Variants in TTC6 observed in about 807,000 individuals in gnomAD.
TTC6 encodes the protein tetratricopeptide repeat domain 6.
Under a neutral mutation model 210.4 loss-of-function variants are expected in TTC6, and 172 were observed. The observed-to-expected ratio is 0.82, with a 90% confidence interval of 0.72 to 0.93. The LOEUF (loss-of-function observed/expected upper bound fraction) is 0.93, where lower values mean the gene tolerates loss of function less well. Ranked by LOEUF, TTC6 falls within the 40% of genes least tolerant of loss-of-function variation. The pLI is 0.00. For missense variants in TTC6, 2,414 were observed against 2,318.1 expected (o/e 1.04, Z -0.85); for synonymous variants, 804 against 819.6 (o/e 0.98, Z 0.32).
intron 20 of TTC6, among the ~76,000 whole-genome samples, chr14:37,802,969 G>T (rs1236854575): frequency 6.6e-6 from 1 of 152,088 alleles, no homozygotes; most frequent in East Asian, 1.9e-4. Flanking sequence ...CTGACCTTAG[G>T]TGATCCACTT....
intron 1 of TTC6, among the ~76,000 whole-genome samples, chr14:37,636,786 ATTATAG>A (rs1398951619): frequency 2.6e-5 from 4 of 152,368 alleles, no homozygotes; most frequent in East Asian, 1.9e-4. Flanking sequence ...AGCAAATTTT[ATTATAG>A]TTATAGAAAA....
intron 21 of TTC6, among the ~76,000 whole-genome samples, chr14:37,805,112 A>G (rs1048152198): frequency 1.3e-5 from 2 of 152,246 alleles, no homozygotes; most frequent in African/African-American, 4.8e-5. Context: ...TTATCACAGT[A>G]GTATGAGTTC....
At chr14:37,732,998 C>T (rs1052052951) in intron 7 of TTC6, among the ~76,000 whole-genome samples, 1 of 152,118 alleles carries the variant, frequency 6.6e-6, no homozygotes, top group Non-Finnish European at 1.5e-5. Context: ...GGAAGAAAAT[C>T]TGTAAATAAG....
intron 7 of TTC6, among the ~76,000 whole-genome samples, chr14:37,726,697 A>T (rs1293550468): frequency 6.6e-6 from 1 of 152,096 alleles, no homozygotes; most frequent in African/African-American, 2.4e-5. Flanking sequence ...GGAAGAGCTC[A>T]CTGTTTGGAC....
In TTC6 at chr14:37,808,853, T is replaced by A; in HGVS notation, c.4569+7T>A. ...GATAAGGGAACTTCAAATGGTAAGATGACCATTTTAGTAAACAATGTGTTT... is the reference window on the plus strand; with the variant it reads ...GATAAGGGAACTTCAAATGGTAAGAAGACCATTTTAGTAAACAATGTGTTT... On this transcript the variant is annotated splice_region_variant and intron_variant, in intron 24 of 30. Coordinates refer to ENST00000553443, the Ensembl canonical transcript of TTC6. 1 of 1,395,558 alleles carries A rather than the reference T, an allele frequency of 7.2e-7. No individual in the cohort carries two copies. Among genetic ancestry groups the A allele is most frequent in the Non-Finnish European group, 9.9e-7 (1 of 1,008,130 alleles). The allele number at this position is 1,395,558 out of a possible 1,614,324, so 86.4% of individuals were successfully genotyped here. A position where few individuals can be genotyped will look rare whatever the true frequency, so the allele number is the denominator to read the frequency against.
At chr14:37,679,166 G>C (rs1346315212) in intron 1 of TTC6, among the ~76,000 whole-genome samples, 3 of 152,122 alleles carry the variant, frequency 2.0e-5, no homozygotes, top group African/African-American at 7.2e-5. Flanking sequence ...AGGTTACGGG[G>C]AGCTATGATT....
intron 29 of TTC6, among the ~76,000 whole-genome samples, chr14:37,832,224 A>G (rs1427052444): frequency 6.6e-6 from 1 of 151,080 alleles, no homozygotes; most frequent in Admixed American, 6.6e-5. Flanking sequence ...TCTAGCTATC[A>G]GTTTTGTTTA....
intron 6 of TTC6, among the ~76,000 whole-genome samples, chr14:37,721,913 T>G (rs888060074): frequency 2.8e-5 from 4 of 144,660 alleles, no homozygotes; most frequent in Non-Finnish European, 6.0e-5. Context: ...CACATGTATA[T>G]ATGTATATAT....
chr14:37,804,871 T>C, intron 21 of TTC6, 57 bp downstream of exon 23: 1 of 1,584,570 alleles, frequency 6.3e-7, no homozygotes, highest in Non-Finnish European at 8.6e-7. Context: ...TGGTTGCTTG[T>C]ATGCAATTCT....
chr14:37,828,251 G>A (rs2096176898), intron 29 of TTC6, among the ~76,000 whole-genome samples: 1 of 152,010 alleles, frequency 6.6e-6, no homozygotes, highest in Non-Finnish European at 1.5e-5. Context: ...GCATTTACAT[G>A]ATTCAAACTC....
intron 1 of TTC6, among the ~76,000 whole-genome samples, chr14:37,603,636 A>C (rs1453167195): frequency 6.6e-6 from 1 of 152,128 alleles, no homozygotes; most frequent in African/African-American, 2.4e-5. Context: ...AGACAGACCA[A>C]CCTGTCCTCC....
At chr14:37,725,607 C>G (rs572024315) in intron 7 of TTC6, among the ~76,000 whole-genome samples, 1 of 151,636 alleles carries the variant, frequency 6.6e-6, no homozygotes, top group Non-Finnish European at 1.5e-5. Context: ...AGCTTGGTCT[C>G]CCAAAGTGCT....
intron 14 of TTC6, among the ~76,000 whole-genome samples, chr14:37,783,899 A>G (rs1024658626): frequency 6.6e-6 from 1 of 152,186 alleles, no homozygotes; most frequent in African/African-American, 2.4e-5. Flanking sequence ...CCCAGTAGTC[A>G]TTCAGGAGCA....
chr14:37,841,424 C>A, intron 29 of TTC6, 21 bp from the exon 32 acceptor site: 1 of 1,559,018 alleles, frequency 6.4e-7, no homozygotes, highest in Non-Finnish European at 8.7e-7. Context: ...TAAAATATAT[C>A]ATTATCTTCA....
At chr14:37,760,859 C>A (rs1259922630) in intron 14 of TTC6, among the ~76,000 whole-genome samples, 3 of 152,162 alleles carry the variant, frequency 2.0e-5, no homozygotes, top group Non-Finnish European at 4.4e-5. Context: ...ATGGATGCCC[C>A]TCCCTGCACC....
At chr14:37,718,552 T>TG (rs201146317) in intron 6 of TTC6, among the ~76,000 whole-genome samples, 157 of 136,432 alleles carry the variant, frequency 1.2e-3, no homozygotes, top group Non-Finnish European at 1.7e-3. Flanking sequence ...AGGCAAGAAG[T>TG]GGGAAAAAAA....
chr14:37,690,093 G>GT lies in TTC6; in HGVS notation c.1258-6616dup, dbSNP rs566409233. ...AAGTTAAAGTGTAGAGAATTTATTA[G>GT]TTTTTTTTCTTTTCTGCTTGCTTGT... On this transcript the variant is annotated intron_variant, in intron 3 of 30. Transcript: ENST00000553443. Among the ~76,000 whole-genome samples the GT allele has an allele frequency of 5.5e-4, 83 of 151,968 alleles. 1 individual carries two copies. The East Asian group carries it at 0.014, about 26-fold the overall frequency.
intron 14 of TTC6, among the ~76,000 whole-genome samples, chr14:37,754,394 A>G (rs1312610690): frequency 1.3e-5 from 2 of 151,232 alleles, no homozygotes; most frequent in African/African-American, 4.9e-5. Flanking sequence ...AGCTTCATCC[A>G]TGTGCAAAGG....
At chr14:37,646,017 G>A (rs1467421993) in intron 1 of TTC6, among the ~76,000 whole-genome samples, 1 of 152,192 alleles carries the variant, frequency 6.6e-6, no homozygotes, top group Non-Finnish European at 1.5e-5. Context: ...GAAGACATAT[G>A]AAGTTGCTAG....
Sources: gnomAD v4.1 joint callset for allele counts (sites outside exome capture counted in the v4.1 genomes callset) on GRCh38, gnomAD v4.1.1 for gene constraint, MANE v1.5 for transcripts, NCBI Gene and HGNC (gene_info 2026-07-23, HGNC 2026-07-21) for gene names.